The following SPINK5 variants were observed in gnomAD, a reference collection of about 807,000 sequenced individuals.
The protein encoded by SPINK5 is serine protease inhibitor Kazal-type 5.
A neutral mutation model predicts 151.8 loss-of-function variants in SPINK5; 125 were observed. That is an observed-to-expected ratio of 0.82 (90% confidence interval 0.71 to 0.96). The LOEUF is 0.96. SPINK5 is among the 40% of genes least tolerant of loss of function. SPINK5 has a pLI of 0.00. For synonymous variants in SPINK5, 374 were observed against 395.3 expected (o/e 0.95, Z 0.64); for missense variants, 1,194 against 1,291.9 (o/e 0.92, Z 1.16).
chr5:148,102,501 C>A (rs530450563), intron 15 of SPINK5, among the ~76,000 whole-genome samples: 1 of 151,954 alleles, frequency 6.6e-6, no homozygotes, highest in Non-Finnish European at 1.5e-5. Flanking sequence ...TTAATATGTA[C>A]AATTATTATA....
At chr5:148,128,144 C>T (rs1754481055) in intron 30 of SPINK5, among the ~76,000 whole-genome samples, 1 of 151,982 alleles carries the variant, frequency 6.6e-6, no homozygotes, top group East Asian at 1.9e-4. Context: ...ATGAAATATG[C>T]ATTAATTACA....
At chr5:148,129,086 G>A (rs1754507352) in intron 30 of SPINK5, among the ~76,000 whole-genome samples, 1 of 152,134 alleles carries the variant, frequency 6.6e-6, no homozygotes, top group Non-Finnish European at 1.5e-5. Flanking sequence ...TAAGGGTATT[G>A]ATTCTGTAGG....
intron 15 of SPINK5, among the ~76,000 whole-genome samples, chr5:148,102,416 CA>C (rs1753671546): frequency 6.6e-6 from 1 of 152,052 alleles, no homozygotes; most frequent in Non-Finnish European, 1.5e-5. Context: ...AGATAAGTAT[CA>C]TGAGACAACT....
chr5:148,089,752 T>C (rs1753260823), intron 7 of SPINK5, 131 bp downstream of exon 7: 6 of 1,342,134 alleles, frequency 4.5e-6, no homozygotes, highest in Non-Finnish European at 6.3e-6. Context: ...TGAAATAGCC[T>C]TTCTCACAGA....
intron 15 of SPINK5, among the ~76,000 whole-genome samples, chr5:148,104,732 A>AT (rs1402590220): frequency 6.6e-6 from 1 of 152,000 alleles, no homozygotes; most frequent in African/African-American, 2.4e-5. Context: ...CGTCTCTACT[A>AT]AAAATACAGA....
intron 2 of SPINK5, among the ~76,000 whole-genome samples, chr5:148,069,916 G>A (rs1387988917): frequency 1.3e-5 from 2 of 152,036 alleles, no homozygotes; most frequent in African/African-American, 2.4e-5. Context: ...TACAGCCATG[G>A]GGAAATGTAG....
chr5:148,130,945 A>C (rs1754555295), intron 30 of SPINK5, among the ~76,000 whole-genome samples: 1 of 152,168 alleles, frequency 6.6e-6, no homozygotes, highest in Admixed American at 6.5e-5. Context: ...TATTTCTGGC[A>C]TGCCTATCAT....
chr5:148,129,164 T>G (rs941885768), intron 30 of SPINK5, among the ~76,000 whole-genome samples: 42 of 152,282 alleles, frequency 2.8e-4, no homozygotes, highest in African/African-American at 9.9e-4. Flanking sequence ...GAAATAGAGC[T>G]ACCTCAGCTG....
At chr5:148,096,742 C>CT (rs1753475361) in intron 10 of SPINK5, among the ~76,000 whole-genome samples, 1 of 135,854 alleles carries the variant, frequency 7.4e-6, no homozygotes, top group Admixed American at 7.2e-5. Context: ...TTTTCTTTTT[C>CT]TTTTCTTTTC....
chr5:148,072,013 C>A, intron 3 of SPINK5, 135 bp from the exon 4 acceptor site: 1 of 761,658 alleles, frequency 1.3e-6, no homozygotes, highest in Non-Finnish European at 2.3e-6. Flanking sequence ...GTGTCCACTT[C>A]TGAACATGCT....
Position 148,068,724 on chromosome 5 carries a change from C to T in SPINK5, c.82-1599C>T, listed in dbSNP as rs75786595. Among the ~76,000 whole-genome samples the T allele has an allele frequency of 2.7e-3, 406 of 151,984 alleles. 1 individual carries two copies. The highest frequency in any genetic ancestry group is 9.4e-3 in the African/African-American group (390 of 41,482). On this transcript the variant is annotated intron_variant, in intron 2 of 32. Transcript: ENST00000256084. ...AGCTTTGTTTATTTGTTTCCTGATA[C>T]AAGCAACTTGAAGCAGATTAAAAAA... is the stretch of plus-strand genomic sequence containing the variant.
rs976509831 is a variant in SPINK5, at chr5:148,121,487, G to A, written c.2538+1096G>A. Among the ~76,000 whole-genome samples, 7 of 151,848 alleles carry A rather than the reference G, an allele frequency of 4.6e-5. No individual in the cohort carries two copies. The East Asian group carries it at 7.7e-4, about 17-fold the overall frequency. ...TTTGGGAATATCTGTTGTGTGTTAC[G>A]GTAGATGAAATGGCTTTGAGAAAAT... On this transcript the variant is annotated intron_variant, in intron 26 of 32. Transcript: ENST00000256084.
intron 4 of SPINK5, among the ~76,000 whole-genome samples, chr5:148,085,780 T>TAAGAAC (rs1753137902): frequency 6.6e-6 from 1 of 151,774 alleles, no homozygotes; most frequent in Non-Finnish European, 1.5e-5. Flanking sequence ...ACATTGAAAA[T>TAAGAAC]AACAACAACA....
Position 148,064,095 on chromosome 5 carries a change from A to G in SPINK5, c.51A>G (p.Ile17Met). Residue 17 changes from isoleucine (I) to methionine (M), a missense_variant, in exon 1 of 33, where the codon ATA becomes ATG. Transcript: ENST00000256084. ...TTCTGCCCTTGGCTCTTTGCCTCAT[A>G]CAAGGTGAGCAATTTGTGTGTAATC... ...SVLLPLALCL[I>M]QDAASKNEDQ... 1.2e-6 allele frequency: 2 copies of G among 1,614,118 alleles called. No individual in the cohort carries two copies. The highest frequency in any genetic ancestry group is 2.7e-5 in the African/African-American group (2 of 75,040).
chr5:148,066,521 A>AT (rs145710902), intron 2 of SPINK5, among the ~76,000 whole-genome samples: 1 of 151,908 alleles, frequency 6.6e-6, no homozygotes, highest in African/African-American at 2.4e-5. Flanking sequence ...TGTTGCAATG[A>AT]TTTTTTTTAA....
intron 32 of SPINK5, 80 bp from the exon 33 acceptor site, chr5:148,136,903 G>T: frequency 1.3e-6 from 2 of 1,537,244 alleles, no homozygotes; most frequent in Non-Finnish European, 1.8e-6. Context: ...CTTTGATTAA[G>T]ATGCAGCTAT....
In SPINK5 at chr5:148,108,835, C is replaced by G; in HGVS notation, c.1690C>G (p.Gln564Glu). Residue 564 changes from glutamine to glutamate, a missense_variant and splice_region_variant, in exon 18 of 33, where the codon CAG (glutamine) becomes GAG (glutamate). Gln to Glu is a conservative substitution (Grantham distance 29, BLOSUM62 2). Transcript: ENST00000256084. ...TGAAAAAGTTAAGAGAGAAGCAGTT[C>G]AGGTAGTTGTTTGAGATCATCAGAG... Reference protein sequence around the residue: ...EAEKVKREAVQELCSEYRHYV... With the variant: ...EAEKVKREAVEELCSEYRHYV... The G allele has an allele frequency of 6.2e-7, 1 of 1,612,070 alleles. No individual in the cohort carries two copies. The highest frequency in any genetic ancestry group is 1.1e-5 in the South Asian group (1 of 91,000).
chr5:148,107,302 A>G (rs561242200), intron 17 of SPINK5, 138 bp downstream of exon 17: 6 of 1,189,600 alleles, frequency 5.0e-6, no homozygotes, highest in Middle Eastern at 4.0e-4. Flanking sequence ...ATAAGACATT[A>G]AGTAATATTG....
At chr5:148,101,555 A>G (rs1753645141) in intron 14 of SPINK5, 119 bp downstream of exon 14, 10 of 1,063,154 alleles carry the variant, frequency 9.4e-6, no homozygotes, top group Non-Finnish European at 1.3e-5. Flanking sequence ...TTGTGTTTTC[A>G]TATGTGTTTT....
Sources: gnomAD v4.1 joint callset for allele counts (sites outside exome capture counted in the v4.1 genomes callset) on GRCh38, gnomAD v4.1.1 for gene constraint, MANE v1.5 for transcripts, NCBI Gene and HGNC (gene_info 2026-07-23, HGNC 2026-07-21) for gene names.